SENP6: variants seen among roughly 807,000 people sequenced by gnomAD.
The protein encoded by SENP6 is SUMO specific peptidase 6.
A neutral mutation model predicts 134.5 loss-of-function variants in SENP6; 41 were observed. That is an observed-to-expected ratio of 0.30 (90% confidence interval 0.24 to 0.40). The LOEUF is 0.40. Ranked by LOEUF, SENP6 falls within the 10% of genes least tolerant of loss-of-function variation. The pLI, the probability that SENP6 is intolerant of heterozygous loss-of-function variation, is 1.00. For missense variants in SENP6, 1,248 were observed against 1,312.5 expected, an observed-to-expected ratio of 0.95 and a Z score of 0.76; for synonymous variants, 395 against 429.8, an observed-to-expected ratio of 0.92 and a Z score of 1.00.
At chr6:75,713,206 T>A (rs571484833) in intron 21 of SENP6, among the ~76,000 whole-genome samples, 1 of 152,318 alleles carries the variant, frequency 6.6e-6, no homozygotes, top group Non-Finnish European at 1.5e-5. Context: ...TTGTTTTGAC[T>A]TTTTACTAAT....
At chr6:75,640,754 A>G in intron 6 of SENP6, 50 bp downstream of exon 6, 2 of 1,130,042 alleles carry the variant, frequency 1.8e-6, no homozygotes, top group Non-Finnish European at 2.5e-6. Context: ...GGTAAAATAT[A>G]AAATTATTTA....
chr6:75,686,054 A>G (rs1436080611), intron 16 of SENP6, among the ~76,000 whole-genome samples: 7 of 149,692 alleles, frequency 4.7e-5, no homozygotes, highest in South Asian at 2.1e-4. Context: ...GTCACTCAGA[A>G]CTTGCTTTAT....
intron 11 of SENP6, among the ~76,000 whole-genome samples, chr6:75,674,341 G>A (rs887244130): frequency 6.6e-6 from 1 of 151,642 alleles, no homozygotes; most frequent in Admixed American, 6.6e-5. Context: ...CTTTTTTTGA[G>A]ATGATGTCTC....
chr6:75,654,427 C>T (rs1032988177), intron 7 of SENP6, among the ~76,000 whole-genome samples: 5 of 152,190 alleles, frequency 3.3e-5, no homozygotes, highest in African/African-American at 1.2e-4. Context: ...AGAGTTGAAG[C>T]CATAGAAGTA....
At chr6:75,713,378 C>T (rs1470210228) in intron 21 of SENP6, 135 bp from the exon 22 acceptor site, 5 of 608,372 alleles carry the variant, frequency 8.2e-6, no homozygotes, top group South Asian at 2.6e-5. Context: ...ATTTTTTTTC[C>T]CTCAGTAGTA....
At chr6:75,693,804 GATA>G (rs1361394717) in intron 16 of SENP6, among the ~76,000 whole-genome samples, 1 of 152,128 alleles carries the variant, frequency 6.6e-6, no homozygotes, top group Non-Finnish European at 1.5e-5. Context: ...TCCTCATTTT[GATA>G]ATATTAATAT....
At chr6:75,606,425 A>G (rs573331887) in intron 1 of SENP6, among the ~76,000 whole-genome samples, 2 of 152,288 alleles carry the variant, frequency 1.3e-5, no homozygotes, top group South Asian at 2.1e-4. Context: ...GCTCCCCTGT[A>G]TTTATTCAGT....
intron 7 of SENP6, among the ~76,000 whole-genome samples, chr6:75,651,268 A>G (rs187940873): frequency 7.9e-5 from 12 of 152,110 alleles, no homozygotes; most frequent in African/African-American, 2.4e-4. Context: ...CCCTGAATGT[A>G]CATTTAATTA....
intron 1 of SENP6, among the ~76,000 whole-genome samples, chr6:75,619,348 G>T (rs1768090116): frequency 6.6e-6 from 1 of 151,692 alleles, no homozygotes; most frequent in Non-Finnish European, 1.5e-5. Context: ...TTTGCATCTG[G>T]CTTATTTCAC....
chr6:75,715,654 T>C lies in SENP6; in HGVS notation c.*60T>C, dbSNP rs2149910491. 1.5e-6 allele frequency: 2 copies of C among 1,359,534 alleles called. No individual in the cohort carries two copies. Among genetic ancestry groups the C allele is most frequent in the Non-Finnish European group, 2.1e-6 (2 of 971,542 alleles). The allele number at this position is 1,359,534 out of a possible 1,614,324, so 84.2% of individuals were successfully genotyped here. A position where few individuals can be genotyped will look rare whatever the true frequency, so the allele number is the denominator to read the frequency against. On this transcript the variant is annotated 3_prime_UTR_variant, in exon 24 of 24. Coordinates refer to ENST00000447266, the MANE Select transcript of SENP6 (RefSeq NM_015571.4). The stretch of plus-strand genomic sequence containing the variant: ...ACTAAATGACTTTCAAATTTGGGTA[T>C]AGACAATAAAGAACTGAAGTGCTCA...
Position 75,652,213 on chromosome 6 carries a change from A to G in SENP6, c.550+4412A>G, listed in dbSNP as rs140724094. On this transcript the variant is annotated intron_variant, in intron 7 of 23. Transcript: ENST00000447266. ...AAGAATCAAATGGATTCTTAAATTT[A>G]TGGAGGACTTCCTTACAACTTTTTT... is the stretch of plus-strand genomic sequence containing the variant. 1.4e-4 allele frequency among the ~76,000 whole-genome samples: 21 copies of G among 150,230 alleles called. No homozygotes were observed. The East Asian group carries it at 4.0e-3, about 28-fold the overall frequency.
chr6:75,605,072 CAAAT>C lies in SENP6; in HGVS notation c.52+2499_52+2502del, dbSNP rs796219475. ...CTGGGCGAGGAGCGAAACTACATCTCAAATAATAATAAAATATTCCACCATAATT... is the reference window on the plus strand; with the variant it reads ...CTGGGCGAGGAGCGAAACTACATCTCAATAATAAAATATTCCACCATAATT... On this transcript the variant is annotated intron_variant, in intron 1 of 23. Transcript: ENST00000447266. Among the ~76,000 whole-genome samples the C allele has an allele frequency of 2.6e-5, 4 of 152,322 alleles. No individual in the cohort carries two copies. The East Asian group carries it at 5.8e-4, about 22-fold the overall frequency.
chr6:75,602,020 G>A lies in SENP6; in HGVS notation c.-505G>A, dbSNP rs1766657581. The A allele has an allele frequency of 6.5e-6, 1 of 154,612 alleles. No homozygotes were observed. Among genetic ancestry groups the A allele is most frequent in the Non-Finnish European group, 1.4e-5 (1 of 69,808 alleles). The allele number at this position is 154,612 out of a possible 1,614,324, so 9.6% of individuals were successfully genotyped here. A position where few individuals can be genotyped will look rare whatever the true frequency, so the allele number is the denominator to read the frequency against. ...GGGTGGGCGGACGGCCGTAGCGGCG[G>A]CGGCTGCAGAACGAGCTAGGGGCCT... On this transcript the variant is annotated 5_prime_UTR_variant, in exon 1 of 24. Coordinates refer to ENST00000447266, the MANE Select transcript of SENP6 (RefSeq NM_015571.4).
At chr6:75,636,058 A>G (rs12191674) in intron 5 of SENP6, among the ~76,000 whole-genome samples, 5,417 of 152,028 alleles carry the variant, frequency 0.036, 165 homozygotes, top group Non-Finnish European at 0.05. Context: ...AAAAAAAACA[A>G]CCCGTTAATA....
intron 1 of SENP6, among the ~76,000 whole-genome samples, chr6:75,605,940 AGTT>A (rs1271939537): frequency 6.6e-6 from 1 of 152,132 alleles, no homozygotes; most frequent in African/African-American, 2.4e-5. Context: ...GGGGAAGAGA[AGTT>A]GATAGGTTGA....
chr6:75,718,077 GAA>G lies in SENP6; in HGVS notation c.*2486_*2487del, dbSNP rs1231328960. On this transcript the variant is annotated 3_prime_UTR_variant, in exon 24 of 24. Transcript: ENST00000447266. ...CAATTAAATGTAGGAGGTTTTATTTGAAAACATAAAATGATTCTCTAAATTAC... is the reference window on the plus strand; with the variant it reads ...CAATTAAATGTAGGAGGTTTTATTTGAACATAAAATGATTCTCTAAATTAC... The G allele has an allele frequency of 1.3e-5, 2 of 149,506 alleles. No homozygotes were observed. Among genetic ancestry groups the G allele is most frequent in the Non-Finnish European group, 3.0e-5 (2 of 67,206 alleles). The allele number at this position is 149,506 out of a possible 1,614,324, so 9.3% of individuals were successfully genotyped here. A position where few individuals can be genotyped will look rare whatever the true frequency, so the allele number is the denominator to read the frequency against.
chr6:75,603,088 T>G (rs1038086975), intron 1 of SENP6, among the ~76,000 whole-genome samples: 2 of 152,182 alleles, frequency 1.3e-5, no homozygotes, highest in African/African-American at 4.8e-5. Context: ...GGCCTGGCCT[T>G]GTCTGATATT....
chr6:75,685,578 A>G (rs540485660), intron 16 of SENP6, among the ~76,000 whole-genome samples: 5 of 152,024 alleles, frequency 3.3e-5, no homozygotes, highest in Non-Finnish European at 5.9e-5. Context: ...AAATGTGTCC[A>G]AGAGATTCTG....
At chr6:75,667,113 A>C (rs1217956398) in intron 10 of SENP6, among the ~76,000 whole-genome samples, 172 bp downstream of exon 10, 1 of 152,242 alleles carries the variant, frequency 6.6e-6, no homozygotes, top group Non-Finnish European at 1.5e-5. Flanking sequence ...TACAAAAATA[A>C]GTTTCAATTA....
Sources: gnomAD v4.1 joint callset for allele counts (sites outside exome capture counted in the v4.1 genomes callset) on GRCh38, gnomAD v4.1.1 for gene constraint, MANE v1.5 for transcripts, NCBI Gene and HGNC (gene_info 2026-07-23, HGNC 2026-07-21) for gene names.